BTBD8: variants seen among roughly 807,000 people sequenced by gnomAD.
The protein encoded by BTBD8 is BTB domain containing 8.
Under a neutral mutation model 162.9 loss-of-function variants are expected in BTBD8, and 110 were observed. The ratio of observed to expected loss-of-function variants is 0.68; its 90% confidence interval spans 0.58 to 0.79. The LOEUF is 0.79. Ranked by LOEUF, BTBD8 falls within the 30% of genes least tolerant of loss-of-function variation. The pLI is 0.00. For missense variants in BTBD8, 1,905 were observed against 2,085.4 expected (o/e 0.91, Z 1.68); for synonymous variants, 667 against 716.1 (o/e 0.93, Z 1.10).
chr1:92,119,537 C>T (rs1369751641), intron 4 of BTBD8, among the ~76,000 whole-genome samples: 2 of 152,048 alleles, frequency 1.3e-5, no homozygotes, highest in Admixed American at 6.5e-5. Context: ...CCTCCTGCCT[C>T]AATCTCCCCA....
At chr1:92,166,774 C>A (rs1012402347) in intron 9 of BTBD8, among the ~76,000 whole-genome samples, 184 bp from the exon 10 acceptor site, 2 of 152,044 alleles carry the variant, frequency 1.3e-5, no homozygotes, top group Admixed American at 1.3e-4. Flanking sequence ...AAACTTTACC[C>A]TTTTGAATAA....
Position 92,180,583 on chromosome 1 carries a change from A to C in BTBD8, c.2900A>C (p.Lys967Thr). 1 of 1,551,626 alleles carries C rather than the reference A, an allele frequency of 6.4e-7. No homozygotes were observed. Among genetic ancestry groups the C allele is most frequent in the Non-Finnish European group, 8.7e-7 (1 of 1,146,960 alleles). Residue 967 changes from lysine (K) to threonine (T), a missense_variant, in exon 17 of 18, where the codon AAA becomes ACA. Lys to Thr is a moderately conservative substitution (Grantham distance 78). Transcript: ENST00000636805. ...AAACATGAAACATCTACTGTCCAAAAAAGTATGTTTCATGATGTGCGTGAT... is the reference window on the plus strand; with the variant it reads ...AAACATGAAACATCTACTGTCCAAACAAGTATGTTTCATGATGTGCGTGAT... ...PLKHETSTVQ[K>T]SMFHDVRDNN...
chr1:92,112,071 G>A (rs1018341061), intron 4 of BTBD8, among the ~76,000 whole-genome samples: 1 of 151,992 alleles, frequency 6.6e-6, no homozygotes, highest in South Asian at 2.1e-4. Flanking sequence ...GTGAAAACTC[G>A]GATGAGTGCT....
Position 92,091,670 on chromosome 1 carries a change from A to T in BTBD8, c.347+2775A>T, listed in dbSNP as rs186406386. On this transcript the variant is annotated intron_variant, in intron 2 of 17. Coordinates refer to ENST00000636805, the MANE Select transcript of BTBD8 (RefSeq NM_001376131.1). The stretch of plus-strand genomic sequence containing the variant: ...CTCAGCCTCCTAGGCTGGTCTCTTA[A>T]CTCCTGGGCTCAAGTGAGTCTCCCG... Among the ~76,000 whole-genome samples the T allele has an allele frequency of 4.0e-3, 601 of 150,562 alleles. 2 individuals carry two copies. Among genetic ancestry groups the T allele is most frequent in the African/African-American group, 0.014 (584 of 41,018 alleles).
chr1:92,166,791 A>G (rs1289720480), intron 9 of BTBD8, among the ~76,000 whole-genome samples, 167 bp from the exon 10 acceptor site: 1 of 152,138 alleles, frequency 6.6e-6, no homozygotes, highest in Admixed American at 6.5e-5. Flanking sequence ...ATAATTCTGA[A>G]TTAATGAATA....
intron 9 of BTBD8, among the ~76,000 whole-genome samples, chr1:92,158,287 G>A (rs144701237): frequency 6.6e-6 from 1 of 151,818 alleles, no homozygotes; most frequent in Non-Finnish European, 1.5e-5. Flanking sequence ...ATTTTATGTT[G>A]TCTTATAGTT....
At chr1:92,114,366 A>T (rs1336036763) in intron 4 of BTBD8, among the ~76,000 whole-genome samples, 2 of 152,028 alleles carry the variant, frequency 1.3e-5, no homozygotes, top group Admixed American at 1.3e-4. Context: ...AGAACTTAAA[A>T]TTTTCACTTT....
intron 1 of BTBD8, among the ~76,000 whole-genome samples, chr1:92,086,256 C>T (rs1012040944): frequency 7.9e-5 from 12 of 152,024 alleles, no homozygotes; most frequent in African/African-American, 1.7e-4. Flanking sequence ...TATTGTGGTG[C>T]GGCAGGGCAG....
intron 4 of BTBD8, among the ~76,000 whole-genome samples, chr1:92,119,739 G>C (rs1029366727): frequency 2.0e-5 from 3 of 150,294 alleles, no homozygotes; most frequent in African/African-American, 7.3e-5. Context: ...CCGTTCTCCT[G>C]CCTCAGCATC....
chr1:92,151,066 T>G (rs1016410371), intron 9 of BTBD8, among the ~76,000 whole-genome samples: 2 of 151,964 alleles, frequency 1.3e-5, no homozygotes, highest in Non-Finnish European at 2.9e-5. Context: ...AAAAAGTAAA[T>G]GTAAGGCTAG....
chr1:92,110,093 C>T (rs1648849278), intron 4 of BTBD8, among the ~76,000 whole-genome samples: 1 of 152,176 alleles, frequency 6.6e-6, no homozygotes, highest in African/African-American at 2.4e-5. Flanking sequence ...CACAGGTCTT[C>T]CAAGGTAGTC....
chr1:92,156,790 T>C (rs190886622), intron 9 of BTBD8, among the ~76,000 whole-genome samples: 3 of 152,002 alleles, frequency 2.0e-5, no homozygotes, highest in Admixed American at 6.5e-5. Context: ...ATGCCTCCTC[T>C]TTCATTTTGG....
chr1:92,094,334 A>G (rs1053311798), intron 2 of BTBD8, among the ~76,000 whole-genome samples: 7 of 152,084 alleles, frequency 4.6e-5, no homozygotes, highest in Non-Finnish European at 1.0e-4. Flanking sequence ...TTTTGGTTTC[A>G]AAGCAGATTG....
At chr1:92,167,206 A>T (rs1650406763) in intron 10 of BTBD8, 66 bp downstream of exon 10, 4 of 1,513,344 alleles carry the variant, frequency 2.6e-6, no homozygotes, top group Non-Finnish European at 2.7e-6. Context: ...ATTATGTAAG[A>T]GCTTTTAAAT....
intron 10 of BTBD8, 85 bp downstream of exon 10, chr1:92,167,225 CT>C (rs987531791): frequency 4.1e-6 from 6 of 1,466,238 alleles, no homozygotes; most frequent in African/African-American, 1.4e-5. Context: ...ATGCAGGTTG[CT>C]TTTGATTAAA....
intron 9 of BTBD8, among the ~76,000 whole-genome samples, chr1:92,159,834 T>G (rs1650243206): frequency 1.3e-5 from 2 of 152,192 alleles, no homozygotes; most frequent in Non-Finnish European, 2.9e-5. Context: ...AATTTGCTCT[T>G]TTACTTTGGC....
At chr1:92,150,710 C>G (rs1455966349) in intron 9 of BTBD8, 3 of 152,164 alleles carry the variant, frequency 2.0e-5, no homozygotes, top group Non-Finnish European at 4.4e-5. Context: ...ACAGAACACT[C>G]ACTTATACTG....
chr1:92,105,391 C>T (rs1648700619), intron 3 of BTBD8, among the ~76,000 whole-genome samples: 2 of 151,948 alleles, frequency 1.3e-5, no homozygotes, highest in African/African-American at 4.8e-5. Context: ...TAGCTGGGCC[C>T]AGAGGGCTGA....
Position 92,182,221 on chromosome 1 carries a change from C to T in BTBD8, c.4538C>T (p.Thr1513Ile). 1 of 1,550,512 alleles carries T rather than the reference C, an allele frequency of 6.4e-7. No homozygotes were observed. Among genetic ancestry groups the T allele is most frequent in the Non-Finnish European group, 8.7e-7 (1 of 1,146,730 alleles). Reference protein sequence around the residue: ...KGNSVCKNESTVLDLSSIDSS... With the variant: ...KGNSVCKNESIVLDLSSIDSS... Reference sequence around the variant, plus strand: ...AATAGTGTATGTAAAAATGAAAGCACTGTCTTGGATCTTAGTAGCATTGAC... The same window carrying T: ...AATAGTGTATGTAAAAATGAAAGCATTGTCTTGGATCTTAGTAGCATTGAC... The change falls in exon 17 of 18, where the codon ACT (threonine) becomes ATT (isoleucine). Residue 1513 changes from threonine (T) to isoleucine (I), a missense_variant. This residue lies in a region of BTBD8 where 517 missense variants were observed against 606.6 expected (regional missense o/e 0.85). Coordinates refer to ENST00000636805, the MANE Select transcript of BTBD8 (RefSeq NM_001376131.1).
Sources: allele counts gnomAD v4.1 joint callset (sites outside exome capture counted in the v4.1 genomes callset), GRCh38; gene constraint gnomAD v4.1.1; regional missense constraint gnomAD v4.1.1; transcripts MANE v1.5; gene names NCBI Gene and HGNC (gene_info 2026-07-23, HGNC 2026-07-21).